CAPZA1: variants seen among roughly 807,000 people sequenced by gnomAD.
CAPZA1 encodes the protein F-actin-capping protein subunit alpha-1.
A neutral mutation model predicts 40.8 loss-of-function variants in CAPZA1; 10 were observed. The ratio of observed to expected loss-of-function variants is 0.25; its 90% CI spans 0.15 to 0.42. The LOEUF is 0.42. CAPZA1 is among the 10% of genes least tolerant of loss of function. CAPZA1 has a pLI of 1.00. For synonymous variants in CAPZA1, 98 were observed against 115.0 expected, an observed-to-expected ratio of 0.85 and a Z score of 0.95; for missense variants, 277 against 353.8, an observed-to-expected ratio of 0.78 and a Z score of 1.74.
chr1:112,666,534 A>G (rs1449474643), intron 7 of CAPZA1, among the ~76,000 whole-genome samples: 1 of 152,170 alleles, frequency 6.6e-6, no homozygotes, highest in African/African-American at 2.4e-5. Flanking sequence ...AACTACTTTT[A>G]TCTTACTTTT....
At chr1:112,657,195 T>C (rs890063690) in intron 5 of CAPZA1, among the ~76,000 whole-genome samples, 4 of 152,060 alleles carry the variant, frequency 2.6e-5, no homozygotes, top group Admixed American at 2.6e-4. Flanking sequence ...CCACCATACC[T>C]ATCTAATTTT....
intron 8 of CAPZA1, among the ~76,000 whole-genome samples, chr1:112,668,978 C>T (rs1671776842): frequency 1.3e-5 from 2 of 152,100 alleles, no homozygotes; most frequent in Non-Finnish European, 2.9e-5. Flanking sequence ...TAAATCCTAC[C>T]CTCTTCCCTT....
At chr1:112,669,678 C>A in intron 9 of CAPZA1, 73 bp downstream of exon 9, 1 of 1,101,586 alleles carries the variant, frequency 9.1e-7, no homozygotes, top group Admixed American at 1.9e-5. Context: ...TTTGTTAGGC[C>A]TTGTGTCCTT....
At chr1:112,659,431 A>G (rs1195750831) in intron 6 of CAPZA1, 2 of 541,092 alleles carry the variant, frequency 3.7e-6, no homozygotes, top group Non-Finnish European at 6.5e-6. Flanking sequence ...CATGAGCAGA[A>G]TAGGCATGGT....
chr1:112,641,754 T>C (rs1233900364), intron 1 of CAPZA1, among the ~76,000 whole-genome samples: 1 of 151,956 alleles, frequency 6.6e-6, no homozygotes, highest in East Asian at 1.9e-4. Flanking sequence ...CGGGGCCTTA[T>C]GGCACGTTCC....
chr1:112,632,566 G>A (rs1394586153), intron 1 of CAPZA1, among the ~76,000 whole-genome samples: 1 of 152,148 alleles, frequency 6.6e-6, no homozygotes, highest in Non-Finnish European at 1.5e-5. Context: ...AGGGGGATGT[G>A]GGGCAGGGAG....
intron 1 of CAPZA1, chr1:112,634,729 T>G (rs546185843): frequency 2.4e-4 from 36 of 152,294 alleles, no homozygotes; most frequent in Non-Finnish European, 4.6e-4. Context: ...GTAGGTTGGT[T>G]TCTGGTGAAA....
At chr1:112,650,559 T>G (rs1039867198) in intron 3 of CAPZA1, among the ~76,000 whole-genome samples, 1 of 152,252 alleles carries the variant, frequency 6.6e-6, no homozygotes, top group Non-Finnish European at 1.5e-5. Context: ...TGAAAGAATC[T>G]CATCAACATC....
chr1:112,664,418 G>C (rs61662561), intron 7 of CAPZA1, among the ~76,000 whole-genome samples: 1 of 152,084 alleles, frequency 6.6e-6, no homozygotes, highest in Admixed American at 6.5e-5. Context: ...TTTCTCCCCA[G>C]ATCAAGGAAT....
chr1:112,642,594 G>A (rs906227718), intron 1 of CAPZA1, among the ~76,000 whole-genome samples: 2 of 152,128 alleles, frequency 1.3e-5, no homozygotes, highest in Non-Finnish European at 2.9e-5. Context: ...TTACCTGCTT[G>A]CTACATTACT....
chr1:112,628,649 C>G (rs373245577), intron 1 of CAPZA1, among the ~76,000 whole-genome samples: 4 of 152,174 alleles, frequency 2.6e-5, no homozygotes, highest in South Asian at 2.1e-4. Flanking sequence ...GACATTTTTC[C>G]TCTAGATAGG....
At chr1:112,660,288 T>C (rs976547590) in intron 7 of CAPZA1, among the ~76,000 whole-genome samples, 2 of 152,000 alleles carry the variant, frequency 1.3e-5, no homozygotes, top group East Asian at 1.9e-4. Context: ...GACTGATTGA[T>C]TGATTTTTGA....
At chr1:112,655,653 C>G (rs952090547) in intron 5 of CAPZA1, among the ~76,000 whole-genome samples, 6 of 152,034 alleles carry the variant, frequency 3.9e-5, no homozygotes, top group African/African-American at 1.4e-4. Context: ...ACCTCCATCT[C>G]CTGGGTTCAA....
chr1:112,640,168 G>A (rs1425416743), intron 1 of CAPZA1, among the ~76,000 whole-genome samples: 1 of 115,664 alleles, frequency 8.6e-6, no homozygotes, highest in Admixed American at 8.1e-5. Context: ...CCGGCCAGCC[G>A]CCCAGTCCGG....
rs1346891648 is a variant in CAPZA1, at chr1:112,628,387, A to T, written c.39+8504A>T. Among the ~76,000 whole-genome samples, 4 of 152,296 alleles carry T rather than the reference A, an allele frequency of 2.6e-5. No homozygotes were observed. The East Asian group carries it at 7.7e-4, about 29-fold the overall frequency. The stretch of plus-strand genomic sequence containing the variant: ...TAAACCAGGTCTCTCTCGGGGATAA[A>T]CTCATTTTAGCTAGGCTTATGAAAC... On this transcript the variant is annotated intron_variant, in intron 1 of 9. Coordinates refer to ENST00000263168, the MANE Select transcript of CAPZA1 (RefSeq NM_006135.3).
chr1:112,641,886 CAAAAAAAA>C (rs56057393), intron 1 of CAPZA1, among the ~76,000 whole-genome samples: 5 of 98,110 alleles, frequency 5.1e-5, no homozygotes, highest in South Asian at 3.3e-4. Context: ...GAGACTGTCT[CAAAAAAAA>C]AAAAAAAAAA....
At position 112,647,269 on chromosome 1, in the gene CAPZA1, C is replaced by CA. The variant is rs1210696009; in HGVS notation, c.101dup (p.Asn34LysfsTer2). 6.7e-7 allele frequency: 1 copy of CA among 1,489,048 alleles called. No individual in the cohort carries two copies. The highest frequency in any genetic ancestry group is 1.4e-5 in the African/African-American group (1 of 72,200). The allele number at this position is 1,489,048 out of a possible 1,614,324, so 92.2% of individuals were successfully genotyped here. ...CCCCAGGGGAATTTAATGAAGTATT[C>CA]AATGGTGAGTAAAGATTAGTATTTT... On this transcript the variant is annotated frameshift_variant, in exon 2 of 10. Coordinates refer to ENST00000263168, the MANE Select transcript of CAPZA1 (RefSeq NM_006135.3). LOFTEE classifies it high-confidence loss of function.
intron 3 of CAPZA1, among the ~76,000 whole-genome samples, chr1:112,650,748 C>T (rs1375841832): frequency 6.6e-6 from 1 of 152,200 alleles, no homozygotes; most frequent in East Asian, 1.9e-4. Context: ...TTGAGTATCA[C>T]CTAAGTGTCA....
At chr1:112,651,844 G>GGGC (rs1224628639) in intron 3 of CAPZA1, among the ~76,000 whole-genome samples, 1 of 152,138 alleles carries the variant, frequency 6.6e-6, no homozygotes, top group African/African-American at 2.4e-5. Context: ...GGCTGGGTGT[G>GGGC]GTGGCTCACA....
Sources: allele counts gnomAD v4.1 joint callset (sites outside exome capture counted in the v4.1 genomes callset), GRCh38; gene constraint gnomAD v4.1.1; transcripts MANE v1.5; gene names NCBI Gene and HGNC (gene_info 2026-07-23, HGNC 2026-07-21).